Variants in DYNLRB2 observed in about 807,000 individuals in gnomAD.
The protein encoded by DYNLRB2 is bithoraxoid-like protein.
Under a neutral mutation model 12.6 loss-of-function variants are expected in DYNLRB2, and 14 were observed. That is an observed-to-expected ratio of 1.11 (90% CI 0.73 to 1.73). DYNLRB2 has a LOEUF of 1.73. Ranked by LOEUF, DYNLRB2 falls within the 40% of genes most tolerant of loss-of-function variation. DYNLRB2 has a pLI of 0.00. For missense variants in DYNLRB2, 142 were observed against 117.7 expected (o/e 1.21, Z -0.95); for synonymous variants, 53 against 37.0 (o/e 1.43, Z -1.57).
At chr16:80,547,809 GA>G (rs775221159) in intron 2 of DYNLRB2, 21 of 456,460 alleles carry the variant, frequency 4.6e-5, no homozygotes, top group Non-Finnish European at 1.8e-5. Flanking sequence ...GCCTTCCAGA[GA>G]AAAAGTGGCC....
At chr16:80,540,940 T>G, upstream of DYNLRB2, 5 of 1,506,998 alleles carry the variant, frequency 3.3e-6, no homozygotes, top group Admixed American at 5.8e-5. Context: ...AAAAGCCGAC[T>G]CGCGAGCGCG....
chr16:80,540,788 C>G (rs1366076399), upstream of DYNLRB2: 23 of 704,106 alleles, frequency 3.3e-5, no homozygotes, highest in Admixed American at 4.6e-4. Context: ...CAAACACAGG[C>G]CGGGAGCCTG....
In DYNLRB2 at chr16:80,542,107, T is replaced by G. The variant is rs1229832362; in HGVS notation, c.3+1028T>G. Among the ~76,000 whole-genome samples, 6 of 152,218 alleles carry G rather than the reference T, an allele frequency of 3.9e-5. No individual in the cohort carries two copies. In the East Asian group the frequency reaches 1.2e-3, roughly 29 times the overall value. On this transcript the variant is annotated intron_variant, in intron 1 of 3. Coordinates refer to ENST00000305904, the MANE Select transcript of DYNLRB2 (RefSeq NM_130897.3). ...TTCATCCGAAGAGCAGGCCTCAGGCTCAGAGCTTTCATTGCAGTAGAATTT... is the reference window on the plus strand; with the variant it reads ...TTCATCCGAAGAGCAGGCCTCAGGCGCAGAGCTTTCATTGCAGTAGAATTT...
intron 1 of DYNLRB2, among the ~76,000 whole-genome samples, chr16:80,542,722 A>G (rs925293057): frequency 2.0e-5 from 3 of 152,254 alleles, no homozygotes; most frequent in African/African-American, 7.2e-5. Flanking sequence ...AGCTATAGTT[A>G]TCAAGAAAAT....
At chr16:80,548,832 TACC>T in intron 2 of DYNLRB2, 1 of 421,876 alleles carries the variant, frequency 2.4e-6, no homozygotes, top group Admixed American at 2.5e-5. Flanking sequence ...ATATCCTTAT[TACC>T]ACATTTTCTA....
Position 80,550,778 on chromosome 16 carries a change from G to T in DYNLRB2, c.*220G>T. 1.8e-6 allele frequency: 1 copy of T among 557,748 alleles called. No individual in the cohort carries two copies. Among genetic ancestry groups the T allele is most frequent in the East Asian group, 2.9e-5 (1 of 34,514 alleles). 34.5% of individuals were successfully genotyped at this position (557,748 alleles called of 1,614,324 possible). The stretch of plus-strand genomic sequence containing the variant: ...GAATTCTGGTATATACGTCTCTATT[G>T]TCTTATAATACACAAAACCAAGGAT... On this transcript the variant is annotated 3_prime_UTR_variant, in exon 4 of 4. Coordinates refer to ENST00000305904, the MANE Select transcript of DYNLRB2 (RefSeq NM_130897.3).
At chr16:80,543,971 G>A (rs541091635) in intron 2 of DYNLRB2, among the ~76,000 whole-genome samples, 1 of 152,286 alleles carries the variant, frequency 6.6e-6, no homozygotes, top group African/African-American at 2.4e-5. Context: ...AGCTATGGTG[G>A]CAACCTCTTA....
intron 2 of DYNLRB2, among the ~76,000 whole-genome samples, chr16:80,547,185 TCAAA>T (rs1904526414): frequency 6.6e-6 from 1 of 152,164 alleles, no homozygotes; most frequent in Non-Finnish European, 1.5e-5. Context: ...GTGTACTGAA[TCAAA>T]CAATTTCCAA....
chr16:80,543,495 A>G, intron 2 of DYNLRB2, 144 bp downstream of exon 2: 2 of 742,208 alleles, frequency 2.7e-6, no homozygotes, highest in Non-Finnish European at 2.2e-6. Flanking sequence ...CTTACCAAAC[A>G]TCTATTGAGT....
At chr16:80,548,051 TC>T (rs1163022639) in intron 2 of DYNLRB2, 1 of 309,658 alleles carries the variant, frequency 3.2e-6, no homozygotes, top group Non-Finnish European at 6.3e-6. Context: ...AAAGCGCTTG[TC>T]TCGTTTAATC....
chr16:80,550,640 TCTA>T lies in DYNLRB2; in HGVS notation c.*83_*85del. 1 of 1,429,724 alleles carries T rather than the reference TCTA, an allele frequency of 7.0e-7. No homozygotes were observed. The highest frequency in any genetic ancestry group is 9.9e-7 in the Non-Finnish European group (1 of 1,013,410). 88.6% of individuals were successfully genotyped at this position (1,429,724 alleles called of 1,614,324 possible). On this transcript the variant is annotated 3_prime_UTR_variant, in exon 4 of 4. Coordinates refer to ENST00000305904, the MANE Select transcript of DYNLRB2 (RefSeq NM_130897.3). ...CATGAGTATTAAAATTCTATTTCAATCTAACTGACCCTTCAAACATTCTTTTCT... is the reference window on the plus strand; with the variant it reads ...CATGAGTATTAAAATTCTATTTCAATACTGACCCTTCAAACATTCTTTTCT...
intron 1 of DYNLRB2, 32 bp downstream of exon 1, chr16:80,541,111 G>T: frequency 6.2e-7 from 1 of 1,605,182 alleles, no homozygotes; most frequent in South Asian, 1.1e-5. Flanking sequence ...ACGCCCCGCC[G>T]TTCCAAGCAC....
intron 2 of DYNLRB2, among the ~76,000 whole-genome samples, chr16:80,548,741 A>G (rs1904641945): frequency 6.7e-6 from 1 of 148,638 alleles, no homozygotes; most frequent in African/African-American, 2.5e-5. Flanking sequence ...AAAAAAAAAA[A>G]ATAGAGCACC....
chr16:80,540,972 C>T, upstream of DYNLRB2: 5 of 1,569,278 alleles, frequency 3.2e-6, no homozygotes, highest in Non-Finnish European at 3.5e-6. Context: ...CTGACGCTTC[C>T]GTGGGGCCAC....
At chr16:80,548,733 A>G (rs1904641038) in intron 2 of DYNLRB2, among the ~76,000 whole-genome samples, 2 of 147,910 alleles carry the variant, frequency 1.4e-5, no homozygotes, top group South Asian at 4.2e-4. Context: ...TCTCAAAAAA[A>G]AAAAAAAAAT....
intron 2 of DYNLRB2, 135 bp from the exon 3 acceptor site, chr16:80,549,349 A>G: frequency 2.3e-6 from 2 of 882,172 alleles, no homozygotes; most frequent in Non-Finnish European, 3.2e-6. Flanking sequence ...AATAAACTAA[A>G]ATTGTTACCA....
intron 2 of DYNLRB2, among the ~76,000 whole-genome samples, chr16:80,546,768 A>T (rs1239772417): frequency 6.6e-6 from 1 of 152,204 alleles, no homozygotes. Context: ...TGACATTTCT[A>T]ACAATCTATC....
intron 1 of DYNLRB2, 145 bp from the exon 2 acceptor site, chr16:80,543,131 C>A: frequency 4.2e-6 from 3 of 720,822 alleles, no homozygotes; most frequent in Non-Finnish European, 4.5e-6. Context: ...AATTTCTAAG[C>A]TGTCTTTTAA....
Position 80,549,362 on chromosome 16 carries a change from G to C in DYNLRB2, c.80-122G>C, listed in dbSNP as rs1343632626. 4.1e-6 allele frequency: 4 copies of C among 979,120 alleles called. No individual in the cohort carries two copies. In the African/African-American group the frequency reaches 4.9e-5, roughly 12 times the overall value. 60.7% of individuals were successfully genotyped at this position (979,120 alleles called of 1,614,324 possible). ...GAAATAAACTAAAATTGTTACCAGAGAGGGATAAGCCATCACTTTTTTCTC... is the reference window on the plus strand; with the variant it reads ...GAAATAAACTAAAATTGTTACCAGACAGGGATAAGCCATCACTTTTTTCTC... On this transcript the variant is annotated intron_variant, in intron 2 of 3. Coordinates refer to ENST00000305904, the MANE Select transcript of DYNLRB2 (RefSeq NM_130897.3).
Sources: gnomAD v4.1 joint callset for allele counts (sites outside exome capture counted in the v4.1 genomes callset) on GRCh38, gnomAD v4.1.1 for gene constraint, MANE v1.5 for transcripts, NCBI Gene and HGNC (gene_info 2026-07-23, HGNC 2026-07-21) for gene names.